INTS12: variants seen among roughly 807,000 people sequenced by gnomAD.
INTS12 encodes the protein integrator complex subunit 12.
INTS12 carries 13 observed loss-of-function variants against 41.6 expected under a neutral mutation model. The observed-to-expected ratio is 0.31, with a 90% confidence interval of 0.20 to 0.50. INTS12 has a LOEUF of 0.50. INTS12 is among the 20% of genes least tolerant of loss of function. INTS12 has a pLI of 0.98. For missense variants in INTS12, 432 were observed against 541.6 expected (o/e 0.80, Z 2.01); for synonymous variants, 199 against 191.4 (o/e 1.04, Z -0.33).
At chr4:105,701,233 CTTTT>C (rs57389075) in intron 2 of INTS12, among the ~76,000 whole-genome samples, 4 of 132,784 alleles carry the variant, frequency 3.0e-5, no homozygotes, top group Non-Finnish European at 4.9e-5. Context: ...CATCCCTAGG[CTTTT>C]TTTTTTTTTT....
At chr4:105,700,976 A>G (rs1732049995) in intron 2 of INTS12, among the ~76,000 whole-genome samples, 1 of 152,196 alleles carries the variant, frequency 6.6e-6, no homozygotes, top group South Asian at 2.1e-4. Context: ...TCAATATACT[A>G]TGGCTTGAAA....
chr4:105,705,113 G>A (rs1487986051), intron 1 of INTS12, among the ~76,000 whole-genome samples: 1 of 152,172 alleles, frequency 6.6e-6, no homozygotes, highest in Non-Finnish European at 1.5e-5. Context: ...AGCAGGAGGT[G>A]AGCAGTAGGC....
intron 1 of INTS12, chr4:105,708,250 C>T (rs942250431): frequency 2.0e-6 from 2 of 985,288 alleles, no homozygotes; most frequent in African/African-American, 3.5e-5. Context: ...AATGTCAATC[C>T]TTTGATCAAA....
At position 105,693,429 on chromosome 4, in the gene INTS12, GT is replaced by G. The variant is rs777226269; in HGVS notation, c.366del (p.Lys122AsnfsTer47). The stretch of plus-strand genomic sequence containing the variant: ...GTAATGGGAGATGACTGTGTTTCTG[GT>G]TTCTCCAATCTAGGTTTCTTTGGAA... ...VDIPKKPRLE[K>X]PETQSSPITV... On this transcript the variant is annotated frameshift_variant, in exon 5 of 8. Transcript: ENST00000340139. LOFTEE classifies it high-confidence loss of function. 6.2e-7 allele frequency: 1 copy of G among 1,613,624 alleles called. No homozygotes were observed. Among genetic ancestry groups the G allele is most frequent in the Non-Finnish European group, 8.5e-7 (1 of 1,179,660 alleles).
At position 105,708,620 on chromosome 4, in the gene INTS12, T is replaced by C; in HGVS notation, c.-172+18A>G. 4.1e-6 allele frequency: 4 copies of C among 982,804 alleles called. No homozygotes were observed. Among genetic ancestry groups the C allele is most frequent in the African/African-American group, 1.8e-5 (1 of 56,306 alleles). The allele number at this position is 982,804 out of a possible 1,614,324, so 60.9% of individuals were successfully genotyped here. A position where few individuals can be genotyped will look rare whatever the true frequency, so the allele number is the denominator to read the frequency against. ...AGCCTCCAGGAGGCCAGGAGCAGAG[T>C]CGCTCAGCATAACTCACCGTTCCGC... On this transcript the variant is annotated intron_variant, in intron 1 of 7. Coordinates refer to ENST00000340139, the MANE Select transcript of INTS12 (RefSeq NM_020395.4).
chr4:105,690,307 A>AT (rs1263628990), intron 6 of INTS12, among the ~76,000 whole-genome samples: 1 of 152,236 alleles, frequency 6.6e-6, no homozygotes, highest in Non-Finnish European at 1.5e-5. Context: ...CTGGGCATAT[A>AT]TAAGTAGGTA....
Position 105,693,502 on chromosome 4 carries a change from A to G in INTS12, c.310-16T>C. On this transcript the variant is annotated splice_polypyrimidine_tract_variant and intron_variant, in intron 4 of 7. Coordinates refer to ENST00000340139, the MANE Select transcript of INTS12 (RefSeq NM_020395.4). ...CTGATTTCATCTATAAAAAGCAGGC[A>G]TCAGAAAATGATAAAGTAATGTGGT... The G allele has an allele frequency of 1.3e-6, 2 of 1,594,944 alleles. No individual in the cohort carries two copies. The highest frequency in any genetic ancestry group is 1.7e-6 in the Non-Finnish European group (2 of 1,164,906).
At position 105,700,022 on chromosome 4, in the gene INTS12, A is replaced by G. The variant is rs768706883; in HGVS notation, c.-9-8T>C. On this transcript the variant is annotated splice_region_variant and splice_polypyrimidine_tract_variant and intron_variant, in intron 2 of 7. Coordinates refer to ENST00000340139, the MANE Select transcript of INTS12 (RefSeq NM_020395.4). ...AGCAGCCATTGCAAACGCCTGAAGG[A>G]AAAAAAGAGAAAGTAATCTAGAAGA... is the stretch of plus-strand genomic sequence containing the variant. 2.7e-6 allele frequency: 4 copies of G among 1,456,820 alleles called. No individual in the cohort carries two copies. The South Asian group carries it at 6.2e-5, about 22-fold the overall frequency. 90.2% of individuals were successfully genotyped at this position (1,456,820 alleles called of 1,614,324 possible).
In INTS12 at chr4:105,683,310, G is replaced by A; in HGVS notation, c.812C>T (p.Thr271Ile). ...ACTAGAAGAATTTCCTGAAATAACT[G>A]TGGATGTCTAAAAAAATAAAGTAAA... ...AFKRTEVKTSTVISGNSSSAS... is the reference protein window; with the variant it reads ...AFKRTEVKTSIVISGNSSSAS... Residue 271 changes from threonine (T) to isoleucine (I), a missense_variant, in exon 8 of 8, where the codon ACA (threonine) becomes ATA (isoleucine). By Grantham distance (89) the Thr-to-Ile change is moderately conservative. Transcript: ENST00000340139. 1.2e-6 allele frequency: 2 copies of A among 1,604,292 alleles called. No homozygotes were observed. Among genetic ancestry groups the A allele is most frequent in the Admixed American group, 3.4e-5 (2 of 58,214 alleles).
rs1158668960 is a variant in INTS12 at position 105,707,886 on chromosome 4, T to C, written c.-172+752A>G. On this transcript the variant is annotated intron_variant, in intron 1 of 7. Coordinates refer to ENST00000340139, the MANE Select transcript of INTS12 (RefSeq NM_020395.4). ...GGGCATTCATATATAAATATAAGTA[T>C]GTGCTTTCTCCTAGATCCATTTTTC... The C allele has an allele frequency of 9.8e-6, 8 of 815,526 alleles. No individual in the cohort carries two copies. In the South Asian group the frequency reaches 4.5e-4, roughly 46 times the overall value. The allele number at this position is 815,526 out of a possible 1,614,324, so 50.5% of individuals were successfully genotyped here. A position where few individuals can be genotyped will look rare whatever the true frequency, so the allele number is the denominator to read the frequency against.
intron 1 of INTS12, 133 bp downstream of exon 1, chr4:105,708,505 C>A: frequency 3.0e-6 from 3 of 985,406 alleles, no homozygotes; most frequent in Non-Finnish European, 1.2e-6. Flanking sequence ...GGCACGCAAC[C>A]GCCCGTAAAT....
intron 3 of INTS12, among the ~76,000 whole-genome samples, 173 bp from the exon 4 acceptor site, chr4:105,695,841 C>A (rs1731843597): frequency 6.6e-6 from 1 of 152,002 alleles, no homozygotes; most frequent in Non-Finnish European, 1.5e-5. Context: ...GATATACAAA[C>A]TGTACCTTTT....
At chr4:105,690,039 A>AT (rs1168610803) in intron 6 of INTS12, among the ~76,000 whole-genome samples, 1 of 152,238 alleles carries the variant, frequency 6.6e-6, no homozygotes, top group Admixed American at 6.5e-5. Context: ...ATTAGATATT[A>AT]TTTGCAAAGC....
chr4:105,703,330 G>A (rs541987681), intron 2 of INTS12, among the ~76,000 whole-genome samples: 168 of 152,214 alleles, frequency 1.1e-3, no homozygotes, highest in Non-Finnish European at 1.4e-3. Context: ...ACCTAGGGAA[G>A]TGGTAGTAGT....
At chr4:105,702,179 A>G (rs1578392061) in intron 2 of INTS12, among the ~76,000 whole-genome samples, 1 of 121,386 alleles carries the variant, frequency 8.2e-6, no homozygotes, top group African/African-American at 3.3e-5. Context: ...TCTGTCGCCC[A>G]GGCTGGAGTG....
chr4:105,695,869 G>A (rs964184794), intron 3 of INTS12, among the ~76,000 whole-genome samples: 5 of 151,658 alleles, frequency 3.3e-5, no homozygotes, highest in African/African-American at 1.2e-4. Flanking sequence ...TATTTTTTGG[G>A]ACAGAGTCTC....
chr4:105,687,681 C>T (rs752441995), intron 6 of INTS12, among the ~76,000 whole-genome samples: 107 of 152,310 alleles, frequency 7.0e-4, no homozygotes, highest in Non-Finnish European at 1.1e-3. Flanking sequence ...CAGTGGCTCA[C>T]GCCTGTAATC....
chr4:105,704,014 C>CT (rs561167754), intron 1 of INTS12, among the ~76,000 whole-genome samples: 9,194 of 143,960 alleles, frequency 0.064, 278 homozygotes, highest in Middle Eastern at 0.081. Context: ...CCCATATCTT[C>CT]TTTTTTTTTT....
intron 2 of INTS12, among the ~76,000 whole-genome samples, chr4:105,701,362 C>T (rs1392096235): frequency 3.3e-5 from 5 of 151,722 alleles, no homozygotes; most frequent in African/African-American, 9.7e-5. Context: ...ATCCAAAGGC[C>T]AGTACTATAA....
Sources: allele counts gnomAD v4.1 joint callset (sites outside exome capture counted in the v4.1 genomes callset), GRCh38; gene constraint gnomAD v4.1.1; transcripts MANE v1.5; gene names NCBI Gene and HGNC (gene_info 2026-07-23, HGNC 2026-07-21).